Variants in SLC41A3 observed in about 807,000 individuals in gnomAD.
SLC41A3 encodes the protein solute carrier family 41 member 3, also known as SLC41A1-like 2.
In SLC41A3, 44 loss-of-function variants were observed where a neutral mutation model predicts 45.4. The observed-to-expected ratio is 0.97, with a 90% confidence interval of 0.76 to 1.25. The LOEUF (loss-of-function observed/expected upper bound fraction) is 1.25. Among genes scored for constraint, SLC41A3 ranks in the 50% most tolerant of loss-of-function variants. The probability of loss-of-function intolerance (pLI) is 0.00; values close to 1 mark genes in which losing one functional copy is unlikely to be tolerated. For synonymous variants in SLC41A3, 256 were observed against 252.4 expected (o/e 1.01, Z -0.13); for missense variants, 550 against 600.6 (o/e 0.92, Z 0.88).
chr3:126,097,753 G>A (rs909503607), intron 1 of SLC41A3, among the ~76,000 whole-genome samples: 11 of 152,124 alleles, frequency 7.2e-5, no homozygotes, highest in African/African-American at 2.4e-4. Context: ...CCAGCAGCTG[G>A]CCTCAGTCAA....
intron 1 of SLC41A3, chr3:126,095,234 C>T (rs1945572325): frequency 1.4e-6 from 1 of 691,788 alleles, no homozygotes; most frequent in Non-Finnish European, 2.6e-6. Context: ...CACCTGAAAC[C>T]TTATCATGAG....
chr3:126,022,921 C>A lies in SLC41A3; in HGVS notation c.610G>T (p.Val204Phe). The A allele has an allele frequency of 1.9e-6, 3 of 1,614,164 alleles. No individual in the cohort carries two copies. The highest frequency in any genetic ancestry group is 2.5e-6 in the Non-Finnish European group (3 of 1,180,018). Residue 204 changes from valine to phenylalanine, a missense_variant, in exon 6 of 11, where the codon GTC becomes TTC. Coordinates refer to ENST00000360370, the MANE Select transcript of SLC41A3 (RefSeq NM_017836.4). ...LAAFALGVLMVCIVIGARKLG... is the reference protein window; with the variant it reads ...LAAFALGVLMFCIVIGARKLG... ...TTTCGAGCACCAATCACTATACAGA[C>A]CATCAGCACCCCTGCAGAGAGAGAG...
In SLC41A3 at chr3:126,007,113, C is replaced by T; in HGVS notation, c.1367G>A (p.Gly456Asp). ...PYLTGLGDLL[G>D]TGLLALCFFT... ...AAAGCAGAGTGCCAGGAGGCCAGTA[C>T]CGAGCAGGTCCCCCAGCCCTGTAAG... The change falls in exon 11 of 11, where the codon GGT (glycine) becomes GAT (aspartate). Residue 456 changes from glycine to aspartate, a missense_variant. Transcript: ENST00000360370. 1 of 1,614,200 alleles carries T rather than the reference C, an allele frequency of 6.2e-7. No homozygotes were observed. The highest frequency in any genetic ancestry group is 8.5e-7 in the Non-Finnish European group (1 of 1,180,030).
At chr3:126,084,933 C>T (rs1945343449), upstream of SLC41A3, among the ~76,000 whole-genome samples, 1 of 152,184 alleles carries the variant, frequency 6.6e-6, no homozygotes, top group Non-Finnish European at 1.5e-5. Context: ...GCATTAACAT[C>T]AACACAGACT....
Position 126,008,861 on chromosome 3 carries a change from A to G in SLC41A3, c.1125T>C (p.Ala375=), listed in dbSNP as rs149889728. 5.0e-6 allele frequency: 8 copies of G among 1,614,048 alleles called. No individual in the cohort carries two copies. Among genetic ancestry groups the G allele is most frequent in the Non-Finnish European group, 6.8e-6 (8 of 1,180,012 alleles). ...FCTSEINSMS[A]RVLLLLVVPG... is the part of the protein sequence containing the mutation. ...GGACCACCAGCAAGAGCAGGACTCG[A>G]GCTGACATGGAATTGATTTCTGAAA... The change falls in exon 10 of 11, where the codon GCT becomes GCC. Residue 375 remains alanine, a synonymous_variant. Transcript: ENST00000360370.
rs2107668983 is a variant in SLC41A3 at position 126,015,633 on chromosome 3, A to G, written c.891-60T>C. On this transcript the variant is annotated intron_variant, in intron 7 of 10. Coordinates refer to ENST00000360370, the MANE Select transcript of SLC41A3 (RefSeq NM_017836.4). ...AGTTTACACTTACAGTGGCCCTGCA[A>G]CTCTCCACACAAATCACCCTTTCAG... 4 of 1,504,660 alleles carry G rather than the reference A, an allele frequency of 2.7e-6. No individual in the cohort carries two copies. The Middle Eastern group carries it at 5.1e-4, about 193-fold the overall frequency. The allele number at this position is 1,504,660 out of a possible 1,614,324, so 93.2% of individuals were successfully genotyped here. A position where few individuals can be genotyped will look rare whatever the true frequency, so the allele number is the denominator to read the frequency against.
intron 2 of SLC41A3, among the ~76,000 whole-genome samples, chr3:126,054,088 A>G (rs1353840300): frequency 6.6e-6 from 1 of 152,098 alleles, no homozygotes; most frequent in Non-Finnish European, 1.5e-5. Context: ...GTCATCTTTG[A>G]CACCACTGTC....
chr3:126,057,180 C>A, intron 2 of SLC41A3: 1 of 985,256 alleles, frequency 1.0e-6, no homozygotes, highest in Non-Finnish European at 1.2e-6. Flanking sequence ...GGAAGCCACG[C>A]CCTGGGTCAT....
chr3:126,034,846 G>A (rs6766391), intron 3 of SLC41A3, among the ~76,000 whole-genome samples: 152,388 of 152,388 alleles, frequency 1, 76,194 homozygotes, highest in Non-Finnish European at 1. Flanking sequence ...AGTATGAGTC[G>A]GAAAAGACAC....
chr3:126,056,448 A>C, intron 2 of SLC41A3: 4 of 1,614,228 alleles, frequency 2.5e-6, no homozygotes, highest in Non-Finnish European at 3.4e-6. Flanking sequence ...TGGTGAAGAA[A>C]GATTCAGGCA....
At chr3:126,008,061 G>A (rs1040341542) in intron 10 of SLC41A3, among the ~76,000 whole-genome samples, 18 of 152,202 alleles carry the variant, frequency 1.2e-4, no homozygotes, top group Non-Finnish European at 1.2e-4. Context: ...CCCACCCACC[G>A]TTGGGGAGGC....
At chr3:126,020,231 C>A (rs947456946) in intron 6 of SLC41A3, among the ~76,000 whole-genome samples, 5 of 152,120 alleles carry the variant, frequency 3.3e-5, no homozygotes, top group African/African-American at 1.2e-4. Context: ...CTAGGTGGCC[C>A]TGGGCAGCAA....
At chr3:126,059,816 G>A (rs984994152) in intron 2 of SLC41A3, among the ~76,000 whole-genome samples, 3 of 152,164 alleles carry the variant, frequency 2.0e-5, no homozygotes, top group East Asian at 1.9e-4. Flanking sequence ...TGTCTTTAAG[G>A]CTGGCCTAGT....
chr3:126,099,595 G>A (rs1022735204), intron 1 of SLC41A3, among the ~76,000 whole-genome samples: 5 of 152,168 alleles, frequency 3.3e-5, no homozygotes, highest in African/African-American at 7.2e-5. Flanking sequence ...AGCTACTCGG[G>A]AGGCTGAGGC....
In SLC41A3 at chr3:126,006,358, C is replaced by G; in HGVS notation, c.*658G>C. On this transcript the variant is annotated 3_prime_UTR_variant, in exon 11 of 11. Coordinates refer to ENST00000360370, the MANE Select transcript of SLC41A3 (RefSeq NM_017836.4). ...AACTATCTTTAAAGACATAAAGGGTCAAGTACAATATAATCTGTTTTATTT... is the reference window on the plus strand; with the variant it reads ...AACTATCTTTAAAGACATAAAGGGTGAAGTACAATATAATCTGTTTTATTT... 6.4e-7 allele frequency: 1 copy of G among 1,556,844 alleles called. No homozygotes were observed. Among genetic ancestry groups the G allele is most frequent in the Non-Finnish European group, 8.7e-7 (1 of 1,143,504 alleles).
At chr3:126,043,059 C>T (rs1942700044) in intron 3 of SLC41A3, among the ~76,000 whole-genome samples, 1 of 150,146 alleles carries the variant, frequency 6.7e-6, no homozygotes, top group African/African-American at 2.4e-5. Flanking sequence ...ATATGAATTC[C>T]AAGTAGGATA....
At chr3:126,017,370 C>T (rs539648462) in intron 6 of SLC41A3, among the ~76,000 whole-genome samples, 6 of 152,332 alleles carry the variant, frequency 3.9e-5, no homozygotes, top group South Asian at 4.1e-4. Flanking sequence ...ACGCCAGGGC[C>T]GGCTATGGGA....
At chr3:126,035,570 CTG>C (rs1209167181) in intron 3 of SLC41A3, among the ~76,000 whole-genome samples, 1 of 152,194 alleles carries the variant, frequency 6.6e-6, no homozygotes, top group Admixed American at 6.5e-5. Context: ...ACAGGGATAA[CTG>C]AGGGTGAAAA....
At chr3:126,064,520 G>A (rs748152865) in intron 2 of SLC41A3, among the ~76,000 whole-genome samples, 21 of 152,116 alleles carry the variant, frequency 1.4e-4, no homozygotes, top group Non-Finnish European at 1.6e-4. Context: ...CCTGTCCAGA[G>A]CCAGGTGTTG....
Sources: allele counts gnomAD v4.1 joint callset (sites outside exome capture counted in the v4.1 genomes callset), GRCh38; gene constraint gnomAD v4.1.1; transcripts MANE v1.5; gene names NCBI Gene and HGNC (gene_info 2026-07-23, HGNC 2026-07-21).